Variants in DCDC1 observed in about 807,000 individuals in gnomAD.
DCDC1 encodes doublecortin domain containing 1, also known as doublecortin domain-containing protein 1.
DCDC1 carries 200 observed loss-of-function variants against 178.3 expected under a neutral mutation model. That is an observed-to-expected ratio of 1.12 (90% CI 1.00 to 1.26). DCDC1 has a LOEUF of 1.26. DCDC1 is among the 50% of genes most tolerant of loss of function. The probability of loss-of-function intolerance (pLI) is 0.00; values close to 1 mark genes in which losing one functional copy is unlikely to be tolerated. For missense variants in DCDC1, 1,983 were observed against 1,749.2 expected, an observed-to-expected ratio of 1.13 and a Z score of -2.38; for synonymous variants, 690 against 604.8, an observed-to-expected ratio of 1.14 and a Z score of -2.07.
At chr11:31,223,669 G>A (rs533841939) in intron 9 of DCDC1, among the ~76,000 whole-genome samples, 1 of 152,220 alleles carries the variant, frequency 6.6e-6, no homozygotes, top group African/African-American at 2.4e-5. Context: ...TTACTGTGTG[G>A]AAGTTAAAAG....
chr11:31,244,670 T>A (rs1977612824), intron 8 of DCDC1, among the ~76,000 whole-genome samples: 2 of 151,720 alleles, frequency 1.3e-5, no homozygotes, highest in Admixed American at 1.3e-4. Context: ...ACCCTCAACA[T>A]TTCATATTAA....
chr11:31,301,554 G>C (rs1307456953), intron 6 of DCDC1, among the ~76,000 whole-genome samples: 4 of 152,148 alleles, frequency 2.6e-5, no homozygotes, highest in Non-Finnish European at 4.4e-5. Flanking sequence ...ACATATAATG[G>C]AAGAGAATAT....
At chr11:31,276,218 G>A (rs1230897278) in intron 7 of DCDC1, among the ~76,000 whole-genome samples, 1 of 152,262 alleles carries the variant, frequency 6.6e-6, no homozygotes, top group East Asian at 1.9e-4. Context: ...AATTCAGTGA[G>A]TATTTGTATA....
intron 38 of DCDC1, among the ~76,000 whole-genome samples, chr11:30,870,381 A>G (rs1941424950): frequency 6.6e-6 from 1 of 152,076 alleles, no homozygotes; most frequent in Non-Finnish European, 1.5e-5. Context: ...ACTATTTCCA[A>G]CTCAAAGCAC....
intron 21 of DCDC1, among the ~76,000 whole-genome samples, chr11:30,940,751 C>A (rs1947586782): frequency 6.6e-6 from 1 of 152,096 alleles, no homozygotes; most frequent in South Asian, 2.1e-4. Flanking sequence ...GATGTAAGAG[C>A]ATTGGTTTCT....
At chr11:30,995,107 C>G (rs532907600) in intron 20 of DCDC1, among the ~76,000 whole-genome samples, 1 of 151,674 alleles carries the variant, frequency 6.6e-6, no homozygotes, top group Non-Finnish European at 1.5e-5. Flanking sequence ...TCTATATACC[C>G]GCAATGAAAG....
chr11:31,347,499 C>A (rs1412411245), intron 1 of DCDC1, among the ~76,000 whole-genome samples: 2 of 152,134 alleles, frequency 1.3e-5, no homozygotes, highest in Non-Finnish European at 2.9e-5. Context: ...TCTGAGGGCT[C>A]ACAGACCAAA....
chr11:31,022,640 AGTTTGT>A (rs1468868877), intron 20 of DCDC1, among the ~76,000 whole-genome samples: 39 of 56,370 alleles, frequency 6.9e-4, no homozygotes, highest in African/African-American at 2.6e-3. Context: ...AGTGTCTTTT[AGTTTGT>A]GTGTGTGTGT....
intron 9 of DCDC1, among the ~76,000 whole-genome samples, chr11:31,232,886 C>T (rs548614332): frequency 1.3e-5 from 2 of 152,098 alleles, no homozygotes; most frequent in South Asian, 4.1e-4. Context: ...GTAAGGAGTT[C>T]GAGACCAGCC....
intron 7 of DCDC1, among the ~76,000 whole-genome samples, chr11:31,287,244 A>T (rs968191325): frequency 6.6e-6 from 1 of 152,092 alleles, no homozygotes; most frequent in Non-Finnish European, 1.5e-5. Context: ...AACAAACAAA[A>T]AAAAACAAGT....
chr11:31,139,468 CA>C (rs1360810434), intron 9 of DCDC1, among the ~76,000 whole-genome samples: 1 of 152,150 alleles, frequency 6.6e-6, no homozygotes, highest in African/African-American at 2.4e-5. Context: ...TTTATTTGAT[CA>C]GGGGAGCTCT....
chr11:31,273,915 G>A (rs1945779570), intron 7 of DCDC1, among the ~76,000 whole-genome samples: 1 of 152,082 alleles, frequency 6.6e-6, no homozygotes, highest in African/African-American at 2.4e-5. Flanking sequence ...GCTTGTGCAG[G>A]GAAACTCCTC....
chr11:30,953,604 C>G (rs1948566402), intron 20 of DCDC1, among the ~76,000 whole-genome samples: 1 of 151,980 alleles, frequency 6.6e-6, no homozygotes, highest in Non-Finnish European at 1.5e-5. Context: ...AATAAAGGTT[C>G]AAATAGAAAT....
chr11:30,897,074 G>C (rs1005314293), intron 34 of DCDC1, among the ~76,000 whole-genome samples: 3 of 152,140 alleles, frequency 2.0e-5, no homozygotes, highest in African/African-American at 7.2e-5. Flanking sequence ...AATCTCACCA[G>C]CTAGAAAAAG....
chr11:30,928,188 C>T lies in DCDC1; in HGVS notation c.2898-2780G>A, dbSNP rs1419120854. ...GTTAAAAAGATGCTGGCACCTTCCC[C>T]CTCTCTCTTACTTCTTCTCCTCTAT... On this transcript the variant is annotated intron_variant, in intron 22 of 38. Coordinates refer to ENST00000684477, the MANE Select transcript of DCDC1 (RefSeq NM_001387274.1). Among the ~76,000 whole-genome samples, 3 of 152,124 alleles carry T rather than the reference C, an allele frequency of 2.0e-5. No individual in the cohort carries two copies. In the South Asian group the frequency reaches 6.2e-4, roughly 32 times the overall value.
intron 1 of DCDC1, among the ~76,000 whole-genome samples, chr11:31,354,254 C>A (rs1951219802): frequency 6.6e-6 from 1 of 152,170 alleles, no homozygotes; most frequent in East Asian, 1.9e-4. Context: ...CCACTGCACT[C>A]CAGCCTGGTG....
At chr11:30,903,195 AT>A in intron 32 of DCDC1, among the ~76,000 whole-genome samples, 1 of 152,210 alleles carries the variant, frequency 6.6e-6, no homozygotes, top group East Asian at 1.9e-4. Flanking sequence ...ACAAAAAATG[AT>A]TATGTTCCAT....
chr11:31,342,325 C>A (rs1160272722), intron 1 of DCDC1, among the ~76,000 whole-genome samples: 2 of 152,314 alleles, frequency 1.3e-5, no homozygotes, highest in East Asian at 3.9e-4. Context: ...GTTTCTCTTG[C>A]ACTTTCTAAC....
intron 8 of DCDC1, among the ~76,000 whole-genome samples, chr11:31,245,689 C>T (rs1591527888): frequency 6.6e-6 from 1 of 151,702 alleles, no homozygotes; most frequent in Admixed American, 6.6e-5. Context: ...GTACTTTATC[C>T]TACCTTGTCA....
Sources: allele counts gnomAD v4.1 joint callset (sites outside exome capture counted in the v4.1 genomes callset), GRCh38; gene constraint gnomAD v4.1.1; transcripts MANE v1.5; gene names NCBI Gene and HGNC (gene_info 2026-07-23, HGNC 2026-07-21).